ARB2A: variants seen among roughly 807,000 people sequenced by gnomAD.
ARB2A encodes cotranscriptional regulator ARB2A.
the ARB2A span, among the ~76,000 whole-genome samples, chr5:93,767,125 C>T: frequency 6.6e-6 from 1 of 151,980 alleles, no homozygotes; most frequent in South Asian, 2.1e-4. Flanking sequence ...ACCAACATGG[C>T]ACATGTATAC....
At chr5:93,792,290 A>T in the ARB2A span, among the ~76,000 whole-genome samples, 1 of 152,234 alleles carries the variant, frequency 6.6e-6, no homozygotes, top group East Asian at 1.9e-4. Context: ...TAGATACAGT[A>T]TAAAAGTGTA....
the ARB2A span, among the ~76,000 whole-genome samples, chr5:93,767,434 G>T: frequency 4.6e-5 from 7 of 152,092 alleles, no homozygotes; most frequent in African/African-American, 1.7e-4. Context: ...ACTGCTGGTG[G>T]GAATGTACAG....
At chr5:93,741,689 T>TGTGC in the ARB2A span, 1 of 1,158,304 alleles carries the variant, frequency 8.6e-7, no homozygotes, top group Admixed American at 2.9e-5. Flanking sequence ...CAAGGGTGCC[T>TGTGC]GTGCGTAGGC....
the ARB2A span, among the ~76,000 whole-genome samples, chr5:93,843,661 A>T: frequency 6.6e-6 from 1 of 152,106 alleles, no homozygotes; most frequent in Non-Finnish European, 1.5e-5. Context: ...CAAGGGTACT[A>T]TTAAAAAGAA....
the ARB2A span, among the ~76,000 whole-genome samples, chr5:94,103,725 T>C: frequency 5.3e-5 from 8 of 151,372 alleles, no homozygotes; most frequent in Non-Finnish European, 1.2e-4. Flanking sequence ...TATACATTCT[T>C]CTTATCTGCA....
chr5:93,623,215 G>T, the ARB2A span, among the ~76,000 whole-genome samples: 1 of 149,474 alleles, frequency 6.7e-6, no homozygotes, highest in Non-Finnish European at 1.5e-5. Context: ...ATTCTCAGAT[G>T]CATACTACGT....
At chr5:93,723,135 G>C in the ARB2A span, among the ~76,000 whole-genome samples, 1 of 152,104 alleles carries the variant, frequency 6.6e-6, no homozygotes, top group Admixed American at 6.6e-5. Flanking sequence ...GGAGGAACTT[G>C]GCATGTGACC....
the ARB2A span, among the ~76,000 whole-genome samples, chr5:93,952,074 C>A: frequency 6.6e-6 from 1 of 152,074 alleles, no homozygotes; most frequent in Admixed American, 6.5e-5. Context: ...ATAGGTAAGA[C>A]CCTGGAAGTT....
the ARB2A span, among the ~76,000 whole-genome samples, chr5:93,972,634 T>C: frequency 1.3e-5 from 2 of 152,048 alleles, no homozygotes; most frequent in Admixed American, 6.6e-5. Flanking sequence ...TGACAGATAA[T>C]TCAGAATATG....
chr5:93,658,214 A>G, the ARB2A span, among the ~76,000 whole-genome samples: 2 of 152,142 alleles, frequency 1.3e-5, no homozygotes, highest in African/African-American at 4.8e-5. Flanking sequence ...GCATTCTTGA[A>G]CATTCAGCTC....
the ARB2A span, among the ~76,000 whole-genome samples, chr5:93,800,762 T>C: frequency 6.6e-6 from 1 of 152,140 alleles, no homozygotes; most frequent in Non-Finnish European, 1.5e-5. Context: ...GCTATAATTA[T>C]CGATTGAAAA....
the ARB2A span, among the ~76,000 whole-genome samples, chr5:94,039,064 TA>T: frequency 3.1e-4 from 47 of 152,326 alleles, no homozygotes; most frequent in African/African-American, 1.1e-3. Context: ...GAAACTAACA[TA>T]AAGTACTAAA....
the ARB2A span, among the ~76,000 whole-genome samples, chr5:93,955,046 A>AGG: frequency 6.6e-6 from 1 of 152,148 alleles, no homozygotes; most frequent in Non-Finnish European, 1.5e-5. Flanking sequence ...AAGGGGTGGC[A>AGG]TCGGCGATTC....
the ARB2A span, among the ~76,000 whole-genome samples, chr5:93,913,965 C>T: frequency 6.6e-6 from 1 of 151,908 alleles, no homozygotes; most frequent in Admixed American, 6.6e-5. Flanking sequence ...TATCAAACTA[C>T]ACCCTCAAGA....
At chr5:93,921,169 A>G in the ARB2A span, among the ~76,000 whole-genome samples, 4 of 151,832 alleles carry the variant, frequency 2.6e-5, 1 homozygote, top group South Asian at 8.3e-4. Context: ...AAAAAAAAAA[A>G]AAAAAAAAGG....
chr5:93,881,447 A>C, the ARB2A span: 4 of 1,542,802 alleles, frequency 2.6e-6, no homozygotes, highest in African/African-American at 4.1e-5. Context: ...AAAATAGTAA[A>C]GGAAAGTAGT....
the ARB2A span, among the ~76,000 whole-genome samples, chr5:93,932,705 C>T: frequency 6.6e-6 from 1 of 152,080 alleles, no homozygotes; most frequent in Non-Finnish European, 1.5e-5. Flanking sequence ...GAAGTAAATA[C>T]TGGTCTAGAG....
the ARB2A span, among the ~76,000 whole-genome samples, chr5:93,803,034 A>T: frequency 3.9e-5 from 6 of 152,114 alleles, no homozygotes; most frequent in African/African-American, 7.2e-5. Flanking sequence ...ATTAACAATT[A>T]TGAGTTACTT....
At chr5:93,660,283 C>T in the ARB2A span, among the ~76,000 whole-genome samples, 1 of 152,120 alleles carries the variant, frequency 6.6e-6, no homozygotes, top group East Asian at 1.9e-4. Flanking sequence ...GATGGTAACT[C>T]GTGGAGGCAG....
Sources: gnomAD v4.1 joint callset for allele counts (sites outside exome capture counted in the v4.1 genomes callset) on GRCh38, gnomAD v4.1.1 for gene constraint, MANE v1.5 for transcripts, NCBI Gene and HGNC (gene_info 2026-07-23, HGNC 2026-07-21) for gene names.